The following NOS1 variants were observed in gnomAD, a reference collection of about 807,000 sequenced individuals.
NOS1 encodes the protein nitric oxide synthase 1.
In NOS1, 51 loss-of-function variants were observed where a neutral mutation model predicts 164.5. The ratio of observed to expected loss-of-function variants is 0.31; its 90% CI spans 0.25 to 0.39. The LOEUF (loss-of-function observed/expected upper bound fraction) is 0.39. Among genes scored for constraint, NOS1 ranks in the 10% least tolerant of loss-of-function variants. The pLI, the probability that NOS1 is intolerant of heterozygous loss-of-function variation, is 1.00. For missense variants in NOS1, 1,362 were observed against 1,885.6 expected (o/e 0.72, Z 5.14); for synonymous variants, 719 against 745.8 (o/e 0.96, Z 0.59).
At chr12:117,262,684 G>A (rs1872037397) in intron 13 of NOS1, among the ~76,000 whole-genome samples, 1 of 152,076 alleles carries the variant, frequency 6.6e-6, no homozygotes, top group Admixed American at 6.5e-5. Context: ...GGACCTGAGG[G>A]AGCTGAGGAA....
chr12:117,211,612 G>A lies in NOS1; in HGVS notation c.*3697C>T. ...CACCCTCCTCAGCCTTCCAAAGCCA[G>A]CCTCAATTTATCTTACATGCTCCCT... On this transcript the variant is annotated 3_prime_UTR_variant, in exon 29 of 29. Transcript: ENST00000317775. 1.0e-6 allele frequency: 1 copy of A among 985,510 alleles called. No individual in the cohort carries two copies. The highest frequency in any genetic ancestry group is 4.7e-5 in the South Asian group (1 of 21,278). The allele number at this position is 985,510 out of a possible 1,614,324, so 61.0% of individuals were successfully genotyped here.
intron 3 of NOS1, among the ~76,000 whole-genome samples, chr12:117,307,849 TC>T (rs1364488428): frequency 6.6e-6 from 1 of 151,692 alleles, no homozygotes; most frequent in Non-Finnish European, 1.5e-5. Context: ...AAACCCCATC[TC>T]CAAAAAATGT....
chr12:117,225,030 T>C lies in NOS1; in HGVS notation c.3812A>G (p.Asp1271Gly). 1 of 1,614,116 alleles carries C rather than the reference T, an allele frequency of 6.2e-7. No homozygotes were observed. The highest frequency in any genetic ancestry group is 8.5e-7 in the Non-Finnish European group (1 of 1,180,024). The change falls in exon 25 of 29, where the codon GAT becomes GGT. Residue 1271 changes from aspartate (D) to glycine (G), a missense_variant. By Grantham distance (94) the Asp-to-Gly change is moderately conservative. This residue lies in a region of NOS1 where 737 missense variants were observed against 1,030.3 expected (regional missense o/e 0.72). Coordinates refer to ENST00000317775, the MANE Select transcript of NOS1 (RefSeq NM_000620.5). The part of the protein sequence containing the change: ...FRSFWQQRQF[D>G]IQHKGMNPCP... ...CTGTAACCCACCTTTGTGTTGGATA[T>C]CAAATTGCCGCTGTTGCCAGAAGCT...
intron 10 of NOS1, among the ~76,000 whole-genome samples, chr12:117,270,700 C>A (rs1872725378): frequency 6.6e-6 from 1 of 151,996 alleles, no homozygotes; most frequent in African/African-American, 2.4e-5. Flanking sequence ...AAGAAAACTG[C>A]CTGAAACATT....
chr12:117,237,688 A>C (rs560594853), intron 20 of NOS1, among the ~76,000 whole-genome samples: 8 of 151,006 alleles, frequency 5.3e-5, no homozygotes, highest in South Asian at 4.2e-4. Context: ...AAAAAAAAAA[A>C]CAGAAAATGT....
chr12:117,231,081 C>T (rs1402006369), intron 22 of NOS1, among the ~76,000 whole-genome samples: 2 of 151,924 alleles, frequency 1.3e-5, no homozygotes, highest in Non-Finnish European at 2.9e-5. Flanking sequence ...AATCCCAGCA[C>T]TTTTGGGAGG....
At chr12:117,293,450 C>T (rs1873195460) in intron 3 of NOS1, among the ~76,000 whole-genome samples, 2 of 152,240 alleles carry the variant, frequency 1.3e-5, no homozygotes, top group Non-Finnish European at 2.9e-5. Context: ...GCTCTAGAAT[C>T]CATTCACTCC....
chr12:117,215,669 G>A (rs1215670810), intron 28 of NOS1, among the ~76,000 whole-genome samples: 3 of 152,042 alleles, frequency 2.0e-5, no homozygotes, highest in Non-Finnish European at 4.4e-5. Flanking sequence ...CTGACCTCAG[G>A]TGATCTGCCC....
Position 117,243,418 on chromosome 12 carries a change from G to A in NOS1, c.2841C>T (p.Phe947=), listed in dbSNP as rs1033190866. 4 of 1,614,012 alleles carry A rather than the reference G, an allele frequency of 2.5e-6. No individual in the cohort carries two copies. In the African/African-American group the frequency reaches 5.3e-5, roughly 22 times the overall value. ...KKVFKAACDV[F]CVGDDVNIEK... is the part of the protein sequence containing the mutation. The stretch of plus-strand genomic sequence containing the variant: ...CAATGTTGACATCATCTCCCACACA[G>A]AAGACATCACAGGCTGCCTGTGGTG... The change falls in exon 19 of 29, where the codon TTC becomes TTT. Residue 947 remains phenylalanine, a synonymous_variant. Transcript: ENST00000317775. This position sits in a 1 kb window ranked among gnomAD's most constrained non-coding sequence, Gnocchi z 4.3.
intron 9 of NOS1, among the ~76,000 whole-genome samples, chr12:117,276,370 C>T (rs1008978251): frequency 2.6e-4 from 39 of 152,298 alleles, no homozygotes; most frequent in African/African-American, 9.1e-4. Context: ...GCAACCTCTG[C>T]TTCCCAGGTT....
intron 1 of NOS1, among the ~76,000 whole-genome samples, chr12:117,358,779 G>A (rs1037981396): frequency 3.3e-5 from 5 of 152,166 alleles, no homozygotes; most frequent in African/African-American, 9.7e-5. Context: ...CATGATTTGG[G>A]ACTTTGGGGA....
chr12:117,232,157 G>C, intron 21 of NOS1, 26 bp from the exon 22 acceptor site: 1 of 1,610,128 alleles, frequency 6.2e-7, no homozygotes, highest in Non-Finnish European at 8.5e-7. Context: ...GCAGGTGACA[G>C]GTGGGTGTGG....
At chr12:117,266,568 C>A (rs1321661622) in intron 11 of NOS1, among the ~76,000 whole-genome samples, 2 of 148,906 alleles carry the variant, frequency 1.3e-5, no homozygotes, top group African/African-American at 5.0e-5. Flanking sequence ...GATAGGGTCT[C>A]ACTCTGTCGC....
chr12:117,226,311 A>G (rs1416624872), intron 24 of NOS1, among the ~76,000 whole-genome samples: 1 of 152,162 alleles, frequency 6.6e-6, no homozygotes, highest in Non-Finnish European at 1.5e-5. Flanking sequence ...GATTTTTTCC[A>G]TCTCTAGGAA....
chr12:117,230,547 T>C (rs1869123961), intron 22 of NOS1, among the ~76,000 whole-genome samples: 1 of 152,182 alleles, frequency 6.6e-6, no homozygotes. Flanking sequence ...TCCCCTCTCC[T>C]GGACGGCAGA....
Position 117,210,248 on chromosome 12 carries a change from T to G in NOS1, c.*5061A>C, listed in dbSNP as rs1468649018. ...CTCCCACCTCAGTCTCCCAAAGTGC[T>G]ATTACAGGCATGAACCACCATGCCT... On this transcript the variant is annotated 3_prime_UTR_variant, in exon 29 of 29. Transcript: ENST00000317775. 4 of 972,732 alleles carry G rather than the reference T, an allele frequency of 4.1e-6. No homozygotes were observed. In the African/African-American group the frequency reaches 7.0e-5, roughly 17 times the overall value. 60.3% of individuals were successfully genotyped at this position (972,732 alleles called of 1,614,324 possible).
rs750155039 is a variant in NOS1, at chr12:117,330,391, C to A, written c.679G>T (p.Ala227Ser). The change falls in exon 2 of 29, where the codon GCA becomes TCA. Residue 227 changes from alanine (A) to serine (S), a missense_variant. By Grantham distance (99) the Ala-to-Ser change is moderately conservative. This residue lies in a region of NOS1 where 362 missense variants were observed against 402.0 expected (regional missense o/e 0.90). Transcript: ENST00000317775. This position sits in a 1 kb window ranked among gnomAD's most constrained non-coding sequence, Gnocchi z 4.6. ...TSGSRGVKGG[A>S]PAKAEMKDMG... ...TCTTTCATCTCTGCCTTGGCAGGTG[C>A]CCCTCCCTTGACCCCTCTGCTCCCA... 1.2e-6 allele frequency: 2 copies of A among 1,613,994 alleles called. No individual in the cohort carries two copies. Among genetic ancestry groups the A allele is most frequent in the Admixed American group, 3.3e-5 (2 of 60,008 alleles).
chr12:117,272,466 G>A lies in NOS1; in HGVS notation c.1758C>T (p.Ala586=), dbSNP rs529891516. Residue 586 remains alanine (A), a synonymous_variant, in exon 10 of 29, where the codon GCC becomes GCT. Coordinates refer to ENST00000317775, the MANE Select transcript of NOS1 (RefSeq NM_000620.5). The surrounding 1 kb of genome is among the most constrained non-coding windows in gnomAD (Gnocchi z 4.3). ...LLEIGGLEFS[A]CPFSGWYMGT... is the part of the protein sequence containing the mutation. ...CCATGTACCAGCCACTGAAGGGACA[G>A]GCGCTGAACTCCAGGCCGCCAATCT... 1 of 1,614,192 alleles carries A rather than the reference G, an allele frequency of 6.2e-7. No homozygotes were observed. Among genetic ancestry groups the A allele is most frequent in the East Asian group, 2.2e-5 (1 of 44,870 alleles).
intron 27 of NOS1, among the ~76,000 whole-genome samples, chr12:117,219,164 A>G (rs1215524412): frequency 6.6e-6 from 1 of 151,804 alleles, no homozygotes; most frequent in Non-Finnish European, 1.5e-5. Flanking sequence ...TTTTTAGTAG[A>G]GACGGGGTTT....
Sources: gnomAD v4.1 joint callset for allele counts (sites outside exome capture counted in the v4.1 genomes callset) on GRCh38, gnomAD v4.1.1 for gene constraint, gnomAD v4.1.1 regional missense constraint, Gnocchi (gnomAD v3.1) non-coding constraint, MANE v1.5 for transcripts, NCBI Gene and HGNC (gene_info 2026-07-23, HGNC 2026-07-21) for gene names.